The following PPP2R5C variants were observed in gnomAD, a reference collection of about 807,000 sequenced individuals.
PPP2R5C encodes protein phosphatase 2 regulatory subunit B'gamma.
In PPP2R5C, 7 loss-of-function variants were observed where a neutral mutation model predicts 68.9. The observed-to-expected ratio is 0.10, with a 90% CI of 0.06 to 0.19. The LOEUF is 0.19. PPP2R5C is among the 10% of genes least tolerant of loss of function. The pLI is 1.00. For synonymous variants in PPP2R5C, 210 were observed against 222.2 expected, an observed-to-expected ratio of 0.95 and a Z score of 0.49; for missense variants, 348 against 641.3, an observed-to-expected ratio of 0.54 and a Z score of 4.94.
intron 2 of PPP2R5C, among the ~76,000 whole-genome samples, chr14:101,872,867 T>C (rs568150501): frequency 6.6e-5 from 10 of 152,242 alleles, no homozygotes; most frequent in Non-Finnish European, 1.2e-4. Flanking sequence ...CCTTTAGGGA[T>C]CCCAATAACG....
chr14:101,793,472 T>G (rs981405276), intron 3 of PPP2R5C, among the ~76,000 whole-genome samples: 3 of 152,318 alleles, frequency 2.0e-5, no homozygotes, highest in Admixed American at 2.0e-4. Flanking sequence ...GCAAGGGCGA[T>G]CTCCACTTAC....
intron 2 of PPP2R5C, among the ~76,000 whole-genome samples, chr14:101,764,030 G>GTGTGTGTGCGC (rs1462659583): frequency 1.4e-5 from 2 of 146,256 alleles, no homozygotes; most frequent in South Asian, 4.3e-4. Flanking sequence ...TGTGTGTGTG[G>GTGTGTGTGCGC]GCGCGCGCAC....
At chr14:101,914,025 C>G (rs558506517) in intron 12 of PPP2R5C, 118 of 327,164 alleles carry the variant, frequency 3.6e-4, no homozygotes, top group African/African-American at 2.5e-3. Flanking sequence ...GGCCCAGTTT[C>G]ACTACTGCAC....
intron 3 of PPP2R5C, among the ~76,000 whole-genome samples, chr14:101,802,410 C>CAAAAAT (rs768162756): frequency 6.6e-6 from 1 of 151,710 alleles, no homozygotes; most frequent in African/African-American, 2.4e-5. Flanking sequence ...GACTCTGTCT[C>CAAAAAT]AAAAATAAAA....
intron 2 of PPP2R5C, among the ~76,000 whole-genome samples, chr14:101,872,359 G>T (rs544771750): frequency 2.7e-5 from 4 of 149,758 alleles, no homozygotes; most frequent in African/African-American, 9.9e-5. Context: ...CCCCAACTCT[G>T]CCCCAGTAGC....
intron 1 of PPP2R5C, chr14:101,836,299 C>T (rs761469957): frequency 4.3e-5 from 30 of 702,798 alleles, no homozygotes; most frequent in South Asian, 2.5e-4. Context: ...AAAGCATGGA[C>T]GGAGCTGCCA....
intron 1 of PPP2R5C, chr14:101,836,338 T>C (rs2140375925): frequency 1.4e-6 from 1 of 702,186 alleles, no homozygotes; most frequent in South Asian, 1.5e-5. Context: ...CTTCCTCTAC[T>C]CCCGACCTGC....
intron 13 of PPP2R5C, among the ~76,000 whole-genome samples, chr14:101,919,417 A>G (rs1211661866): frequency 2.6e-5 from 4 of 152,252 alleles, no homozygotes; most frequent in Non-Finnish European, 5.9e-5. Flanking sequence ...CATCAAAAAT[A>G]TGAAAATCTG....
chr14:101,872,604 G>T (rs1366516213), intron 2 of PPP2R5C, among the ~76,000 whole-genome samples: 1 of 152,076 alleles, frequency 6.6e-6, no homozygotes, highest in African/African-American at 2.4e-5. Context: ...AAAAACTTTT[G>T]CTCGCCTGTT....
intron 12 of PPP2R5C, chr14:101,912,704 A>G: frequency 1.1e-6 from 1 of 915,856 alleles, no homozygotes; most frequent in Middle Eastern, 3.8e-4. Flanking sequence ...CTTTTTAAAT[A>G]AGATCTGAAT....
At chr14:101,890,897 C>T (rs1217689518) in intron 6 of PPP2R5C, among the ~76,000 whole-genome samples, 3 of 151,326 alleles carry the variant, frequency 2.0e-5, no homozygotes, top group Admixed American at 1.3e-4. Flanking sequence ...CTCAGCCTCC[C>T]GAGTAGCTGG....
At chr14:101,851,467 G>A (rs1256586298) in intron 1 of PPP2R5C, among the ~76,000 whole-genome samples, 2 of 152,012 alleles carry the variant, frequency 1.3e-5, no homozygotes, top group Non-Finnish European at 2.9e-5. Context: ...GGAAGCTGAG[G>A]GTGCTGCTTG....
intron 10 of PPP2R5C, among the ~76,000 whole-genome samples, chr14:101,908,938 G>A (rs757292767): frequency 6.6e-6 from 1 of 152,224 alleles, no homozygotes; most frequent in Non-Finnish European, 1.5e-5. Flanking sequence ...ACTGGCACCT[G>A]TTGCTCACAG....
At chr14:101,897,807 TAA>T (rs10684045) in intron 8 of PPP2R5C, among the ~76,000 whole-genome samples, 5 of 139,526 alleles carry the variant, frequency 3.6e-5, no homozygotes, top group Non-Finnish European at 3.2e-5. Context: ...AAGTAATATG[TAA>T]AAAAAAAAAA....
chr14:101,775,868 A>T (rs962631698), intron 2 of PPP2R5C, among the ~76,000 whole-genome samples: 8 of 151,882 alleles, frequency 5.3e-5, no homozygotes, highest in Admixed American at 5.2e-4. Context: ...AGACTCCAGA[A>T]TCCCAGATCC....
At chr14:101,783,243 T>C (rs2037917256) in intron 2 of PPP2R5C, among the ~76,000 whole-genome samples, 1 of 38,346 alleles carries the variant, frequency 2.6e-5, no homozygotes. Flanking sequence ...CCTCCCTCTC[T>C]CCCACTCTCT....
In PPP2R5C at chr14:101,882,540, T is replaced by C. The variant is rs145902601; in HGVS notation, c.405+269T>C. 761 of 307,130 alleles carry C rather than the reference T, an allele frequency of 2.5e-3. No individual in the cohort carries two copies. Among genetic ancestry groups the C allele is most frequent in the Middle Eastern group, 3.6e-3 (4 of 1,114 alleles). 19.0% of individuals were successfully genotyped at this position (307,130 alleles called of 1,614,324 possible). ...TGTGTTGATGGCCGTTGAATTGAAT[T>C]CAGGCCCAGAGGTCCTAAGCCAACA... On this transcript the variant is annotated intron_variant, in intron 3 of 13. Transcript: ENST00000334743. This position sits in a 1 kb window ranked among gnomAD's most constrained non-coding sequence, Gnocchi z 4.9.
chr14:101,867,139 C>T (rs1448683717), intron 2 of PPP2R5C, among the ~76,000 whole-genome samples: 1 of 151,796 alleles, frequency 6.6e-6, no homozygotes, highest in Admixed American at 6.6e-5. Flanking sequence ...ATTGCTTGAA[C>T]CCAGGAGGCA....
chr14:101,903,898 A>G (rs1241615608), intron 9 of PPP2R5C, among the ~76,000 whole-genome samples: 1 of 151,120 alleles, frequency 6.6e-6, no homozygotes, highest in Non-Finnish European at 1.5e-5. Flanking sequence ...CCGATCTTCA[A>G]CTCCCAGCCT....
Sources: gnomAD v4.1 joint callset for allele counts (sites outside exome capture counted in the v4.1 genomes callset) on GRCh38, gnomAD v4.1.1 for gene constraint, Gnocchi (gnomAD v3.1) non-coding constraint, MANE v1.5 for transcripts, NCBI Gene and HGNC (gene_info 2026-07-23, HGNC 2026-07-21) for gene names.